PLEKHA7: variants seen among roughly 807,000 people sequenced by gnomAD.
PLEKHA7 encodes the protein pleckstrin homology domain-containing family A member 7.
In PLEKHA7, 104 loss-of-function variants were observed where a neutral mutation model predicts 170.0. The ratio of observed to expected loss-of-function variants is 0.61; its 90% CI spans 0.52 to 0.72. The LOEUF (loss-of-function observed/expected upper bound fraction) is 0.72, where lower values mean the gene tolerates loss of function less well. Among genes scored for constraint, PLEKHA7 ranks in the 30% least tolerant of loss-of-function variants. The probability of loss-of-function intolerance (pLI) is 0.00; values close to 1 mark genes in which losing one functional copy is unlikely to be tolerated. For missense variants in PLEKHA7, 1,615 were observed against 1,671.7 expected, an observed-to-expected ratio of 0.97 and a Z score of 0.59; for synonymous variants, 648 against 660.8, an observed-to-expected ratio of 0.98 and a Z score of 0.30.
At chr11:16,949,866 G>T (rs901855760) in intron 3 of PLEKHA7, among the ~76,000 whole-genome samples, 2 of 152,066 alleles carry the variant, frequency 1.3e-5, no homozygotes, top group African/African-American at 4.8e-5. Context: ...AACAGATGGA[G>T]GGGAGGGGAG....
At chr11:16,908,447 CG>C (rs1565102747) in intron 3 of PLEKHA7, among the ~76,000 whole-genome samples, 2 of 151,748 alleles carry the variant, frequency 1.3e-5, no homozygotes, top group East Asian at 3.9e-4. Flanking sequence ...CCAAACCTGC[CG>C]ACCCCTTGAT....
intron 3 of PLEKHA7, among the ~76,000 whole-genome samples, chr11:17,001,748 C>A (rs1268596539): frequency 6.7e-6 from 1 of 148,884 alleles, no homozygotes; most frequent in Non-Finnish European, 1.5e-5. Context: ...TGCACACTAA[C>A]TCCAAGCTAC....
At chr11:16,893,674 G>A (rs1455545366) in intron 3 of PLEKHA7, among the ~76,000 whole-genome samples, 1 of 152,146 alleles carries the variant, frequency 6.6e-6, no homozygotes, top group Non-Finnish European at 1.5e-5. Context: ...TCTGCTGTAT[G>A]AGCTCATTTG....
At chr11:16,786,766 C>A (rs956691937) in intron 23 of PLEKHA7, 1 of 985,278 alleles carries the variant, frequency 1.0e-6, no homozygotes, top group Non-Finnish European at 1.2e-6. Flanking sequence ...AGGAGACATA[C>A]GTCCCAGGCT....
chr11:16,795,761 C>T (rs1848181858), intron 17 of PLEKHA7, among the ~76,000 whole-genome samples: 1 of 151,454 alleles, frequency 6.6e-6, no homozygotes, highest in Admixed American at 6.6e-5. Context: ...TGCACTCCAG[C>T]CTGGGCAAAA....
At chr11:16,830,963 G>C (rs1851056378) in intron 9 of PLEKHA7, among the ~76,000 whole-genome samples, 1 of 152,140 alleles carries the variant, frequency 6.6e-6, no homozygotes, top group African/African-American at 2.4e-5. Flanking sequence ...ATATGCCAGT[G>C]CTTCCTGGAA....
intron 3 of PLEKHA7, among the ~76,000 whole-genome samples, chr11:16,916,571 A>G (rs1858699769): frequency 6.6e-6 from 1 of 152,230 alleles, no homozygotes; most frequent in Admixed American, 6.5e-5. Flanking sequence ...AAGCCACGGC[A>G]GTGCCTGGAA....
At chr11:16,852,627 T>C (rs1853072421) in intron 6 of PLEKHA7, among the ~76,000 whole-genome samples, 3 of 152,234 alleles carry the variant, frequency 2.0e-5, no homozygotes, top group Admixed American at 2.0e-4. Context: ...GAAAGTAAAT[T>C]AAGAAAGGAA....
chr11:16,954,843 A>C (rs1194441334), intron 3 of PLEKHA7, among the ~76,000 whole-genome samples: 5 of 151,924 alleles, frequency 3.3e-5, no homozygotes, highest in Admixed American at 6.6e-5. Flanking sequence ...GGCACCCGCC[A>C]CCACACCCGG....
At chr11:16,919,383 G>A (rs1858923131) in intron 3 of PLEKHA7, among the ~76,000 whole-genome samples, 1 of 152,096 alleles carries the variant, frequency 6.6e-6, no homozygotes, top group Admixed American at 6.6e-5. Flanking sequence ...TCTCCAGTAA[G>A]AAAATAAAAA....
intron 3 of PLEKHA7, among the ~76,000 whole-genome samples, chr11:16,899,224 C>T (rs1358111661): frequency 6.6e-6 from 1 of 152,146 alleles, no homozygotes; most frequent in Non-Finnish European, 1.5e-5. Flanking sequence ...TGGCTGGGCG[C>T]GGTGGCTCAC....
intron 3 of PLEKHA7, among the ~76,000 whole-genome samples, chr11:16,982,603 T>C (rs4757470): frequency 0.35 from 52,845 of 152,016 alleles, 9,510 homozygotes; most frequent in African/African-American, 0.43. Context: ...TCTAGGCCAA[T>C]GTGAAACCCG....
intron 3 of PLEKHA7, among the ~76,000 whole-genome samples, chr11:16,905,000 C>T (rs1191182578): frequency 1.3e-5 from 2 of 152,158 alleles, no homozygotes; most frequent in Non-Finnish European, 2.9e-5. Context: ...CGCCTGTAAT[C>T]TCAGCACTTT....
chr11:16,959,782 T>C (rs1456672729), intron 3 of PLEKHA7, among the ~76,000 whole-genome samples: 3 of 152,220 alleles, frequency 2.0e-5, no homozygotes, highest in African/African-American at 7.2e-5. Context: ...TTTATCAGTG[T>C]GTGGTTCCTG....
chr11:16,958,204 G>A (rs531956269), intron 3 of PLEKHA7, among the ~76,000 whole-genome samples: 8 of 151,954 alleles, frequency 5.3e-5, no homozygotes, highest in Admixed American at 1.3e-4. Context: ...GTAGTCCTAC[G>A]TACTCAGGAG....
At chr11:16,863,620 C>T (rs895333303) in intron 4 of PLEKHA7, among the ~76,000 whole-genome samples, 1 of 152,190 alleles carries the variant, frequency 6.6e-6, no homozygotes, top group African/African-American at 2.4e-5. Context: ...GCTAGCGTCA[C>T]TGCTCGGGAA....
chr11:16,922,173 T>TGCATTCTTG (rs1554972804), intron 3 of PLEKHA7, among the ~76,000 whole-genome samples: 2 of 151,662 alleles, frequency 1.3e-5, no homozygotes, highest in Non-Finnish European at 2.9e-5. Flanking sequence ...CAGCACAAAA[T>TGCATTCTTG]ACATTCTTAT....
At chr11:16,794,003 G>A (rs1224833190) in intron 19 of PLEKHA7, among the ~76,000 whole-genome samples, 3 of 152,206 alleles carry the variant, frequency 2.0e-5, no homozygotes, top group African/African-American at 4.8e-5. Context: ...TATACTCTGC[G>A]AGGTTATTTT....
intron 3 of PLEKHA7, among the ~76,000 whole-genome samples, chr11:16,917,680 C>T (rs1247544847): frequency 6.6e-6 from 1 of 152,246 alleles, no homozygotes; most frequent in Non-Finnish European, 1.5e-5. Context: ...TCCCAAAGTC[C>T]TTCCCTTCAT....
Sources: gnomAD v4.1 joint callset for allele counts (sites outside exome capture counted in the v4.1 genomes callset) on GRCh38, gnomAD v4.1.1 for gene constraint, MANE v1.5 for transcripts, NCBI Gene and HGNC (gene_info 2026-07-23, HGNC 2026-07-21) for gene names.